The following TERB2 variants were observed in gnomAD, a reference collection of about 807,000 sequenced individuals.
The protein encoded by TERB2 is telomere repeats-binding bouquet formation protein 2.
In TERB2, 26 loss-of-function variants were observed where a neutral mutation model predicts 29.8. That is an observed-to-expected ratio of 0.87 (90% CI 0.64 to 1.21). The LOEUF (loss-of-function observed/expected upper bound fraction) is 1.21. Among genes scored for constraint, TERB2 ranks in the 50% most tolerant of loss-of-function variants. The pLI, the probability that TERB2 is intolerant of heterozygous loss-of-function variation, is 0.00. For missense variants in TERB2, 240 were observed against 268.6 expected (o/e 0.89, Z 0.74); for synonymous variants, 80 against 90.8 (o/e 0.88, Z 0.68).
intron 6 of TERB2, among the ~76,000 whole-genome samples, chr15:44,974,230 T>C (rs1234120237): frequency 6.6e-6 from 1 of 152,210 alleles, no homozygotes; most frequent in Non-Finnish European, 1.5e-5. Flanking sequence ...GCTGTTGTTC[T>C]GGCATTAGTT....
chr15:44,969,243 A>G (rs1891933290), intron 5 of TERB2, among the ~76,000 whole-genome samples: 1 of 152,058 alleles, frequency 6.6e-6, no homozygotes, highest in African/African-American at 2.4e-5. Flanking sequence ...AGCTGTGACT[A>G]CAGCTGTGTA....
At chr15:44,957,075 G>T in intron 2 of TERB2, 98 bp downstream of exon 2, 8 of 1,277,430 alleles carry the variant, frequency 6.3e-6, no homozygotes, top group Non-Finnish European at 7.7e-6. Flanking sequence ...GAGGCTGGGC[G>T]CGGTGGCGGA....
intron 4 of TERB2, among the ~76,000 whole-genome samples, chr15:44,963,983 G>T (rs1448829507): frequency 1.3e-5 from 2 of 151,646 alleles, no homozygotes; most frequent in African/African-American, 4.8e-5. Flanking sequence ...GCTACTTTTT[G>T]TATTTTTAGT....
rs747879461 is a variant in TERB2, at chr15:44,978,541, C to A, written c.576C>A (p.Phe192Leu). 6.2e-7 allele frequency: 1 copy of A among 1,610,462 alleles called. No homozygotes were observed. Among genetic ancestry groups the A allele is most frequent in the Non-Finnish European group, 8.5e-7 (1 of 1,178,168 alleles). ...MKKFLGELHD[F>L]IPGTSGYLAY... ...AATTCCTTGGGGAGCTACATGACTT[C>A]ATTCCTGGAACCTCAGGATATTTGG... The change falls in exon 7 of 7, where the codon TTC (phenylalanine) becomes TTA (leucine). Residue 192 changes from phenylalanine (F) to leucine (L), a missense_variant. Coordinates refer to ENST00000340827, the MANE Select transcript of TERB2 (RefSeq NM_152448.3).
chr15:44,963,339 T>C (rs905731294), intron 4 of TERB2, among the ~76,000 whole-genome samples: 6 of 152,212 alleles, frequency 3.9e-5, no homozygotes, highest in Non-Finnish European at 7.3e-5. Context: ...ATTATCTGTG[T>C]AGTATTCTTG....
intron 5 of TERB2, among the ~76,000 whole-genome samples, chr15:44,971,826 C>T (rs1050597773): frequency 7.4e-5 from 11 of 149,534 alleles, no homozygotes; most frequent in South Asian, 2.1e-4. Flanking sequence ...CCTTTTCATC[C>T]CCCCCCCTCC....
At chr15:44,975,249 G>A (rs980174124) in intron 6 of TERB2, among the ~76,000 whole-genome samples, 2 of 151,740 alleles carry the variant, frequency 1.3e-5, no homozygotes, top group Admixed American at 1.3e-4. Flanking sequence ...CAATTTCTTG[G>A]GAGAAATCTT....
chr15:44,957,127 T>C, intron 2 of TERB2, 150 bp downstream of exon 2: 1 of 857,628 alleles, frequency 1.2e-6, no homozygotes, highest in Non-Finnish European at 1.8e-6. Flanking sequence ...AGCAGGAGAA[T>C]CGCTTGAACT....
rs1041079717 is a variant in TERB2, at chr15:44,978,881, T to G, written c.*253T>G. The G allele has an allele frequency of 2.7e-5, 7 of 261,616 alleles. No homozygotes were observed. In the Admixed American group the frequency reaches 4.0e-4, roughly 15 times the overall value. The allele number at this position is 261,616 out of a possible 1,614,324, so 16.2% of individuals were successfully genotyped here. ...AATGAGTAATTGCCGTTAAAATATATTTCATAAGAAGTCTCAATCTCAAAC... is the reference window on the plus strand; with the variant it reads ...AATGAGTAATTGCCGTTAAAATATAGTTCATAAGAAGTCTCAATCTCAAAC... On this transcript the variant is annotated 3_prime_UTR_variant, in exon 7 of 7. Coordinates refer to ENST00000340827, the MANE Select transcript of TERB2 (RefSeq NM_152448.3).
chr15:44,966,885 G>A (rs1891899448), intron 5 of TERB2, among the ~76,000 whole-genome samples: 1 of 152,120 alleles, frequency 6.6e-6, no homozygotes, highest in South Asian at 2.1e-4. Flanking sequence ...GACTGCTTGA[G>A]CCTAGGAATT....
chr15:44,974,747 A>G (rs1017261784), intron 6 of TERB2, among the ~76,000 whole-genome samples: 2 of 152,210 alleles, frequency 1.3e-5, no homozygotes, highest in Non-Finnish European at 2.9e-5. Flanking sequence ...CAATTTTTAA[A>G]GTATGGGTTT....
chr15:44,976,907 TGATCAAAACTCTAA>T (rs1892055685), intron 6 of TERB2, among the ~76,000 whole-genome samples: 1 of 152,070 alleles, frequency 6.6e-6, no homozygotes, highest in Non-Finnish European at 1.5e-5. Flanking sequence ...CTCATTTAGG[TGATCAAAACTCTAA>T]GATGTAAAAC....
intron 6 of TERB2, among the ~76,000 whole-genome samples, 154 bp downstream of exon 6, chr15:44,974,109 T>C (rs1892009875): frequency 6.6e-6 from 1 of 152,192 alleles, no homozygotes; most frequent in African/African-American, 2.4e-5. Context: ...ATTGAATAAA[T>C]TACCTGCAGA....
intron 3 of TERB2, 46 bp from the exon 4 acceptor site, chr15:44,961,477 A>T (rs781696850): frequency 1.9e-5 from 20 of 1,061,448 alleles, no homozygotes; most frequent in African/African-American, 3.4e-5. Context: ...GAAGATTCTT[A>T]AAAAAAAAAA....
At chr15:44,973,603 G>A (rs531954775) in intron 5 of TERB2, 3 of 158,716 alleles carry the variant, frequency 1.9e-5, no homozygotes, top group East Asian at 3.7e-4. Context: ...ACTATTCAGA[G>A]GTTAGCATGG....
chr15:44,957,083 G>A (rs1337491617), intron 2 of TERB2, 106 bp downstream of exon 2: 29 of 1,200,122 alleles, frequency 2.4e-5, no homozygotes, highest in South Asian at 3.9e-5. Context: ...GCGCGGTGGC[G>A]GACACCTATA....
chr15:44,963,804 C>CTTTTTT (rs34438861), intron 4 of TERB2, among the ~76,000 whole-genome samples: 249 of 79,110 alleles, frequency 3.1e-3, no homozygotes, highest in African/African-American at 3.6e-3. Context: ...TTATACTATT[C>CTTTTTT]TTTTTTTTTT....
intron 3 of TERB2, among the ~76,000 whole-genome samples, chr15:44,959,558 G>C (rs942181990): frequency 2.6e-5 from 4 of 152,042 alleles, no homozygotes; most frequent in African/African-American, 9.7e-5. Context: ...AATAGACATG[G>C]GGTTTCACCA....
chr15:44,977,227 C>T (rs1051150512), intron 6 of TERB2, among the ~76,000 whole-genome samples: 2 of 152,082 alleles, frequency 1.3e-5, no homozygotes, highest in African/African-American at 4.8e-5. Context: ...TCGGATGATA[C>T]GGCAATGTCC....
Sources: allele counts gnomAD v4.1 joint callset (sites outside exome capture counted in the v4.1 genomes callset), GRCh38; gene constraint gnomAD v4.1.1; transcripts MANE v1.5; gene names NCBI Gene and HGNC (gene_info 2026-07-23, HGNC 2026-07-21).